The following ZBED6 variants were observed in gnomAD, a reference collection of about 807,000 sequenced individuals.
The protein encoded by ZBED6 is zinc finger BED-type containing 6, also known as zinc finger BED domain-containing protein 6.
A neutral mutation model predicts 58.4 loss-of-function variants in ZBED6; 40 were observed. That is an observed-to-expected ratio of 0.68 (90% CI 0.53 to 0.89). ZBED6 has a LOEUF of 0.89. Ranked by LOEUF, ZBED6 falls within the 40% of genes least tolerant of loss-of-function variation. The pLI, the probability that ZBED6 is intolerant of heterozygous loss-of-function variation, is 0.00. For synonymous variants in ZBED6, 439 were observed against 350.6 expected (o/e 1.25, Z -2.82); for missense variants, 1,057 against 1,003.9 (o/e 1.05, Z -0.71).
intron 3 of ZBED6, 141 bp from the exon 4 acceptor site, chr1:203,828,158 C>G (rs1324448605): frequency 1.1e-6 from 1 of 938,206 alleles, no homozygotes; most frequent in Admixed American, 2.4e-5. Flanking sequence ...TTTCAGCAAT[C>G]TCTCTTCCTT....
chr1:203,821,011 T>C (rs1678470454), intron 3 of ZBED6, among the ~76,000 whole-genome samples: 3 of 152,200 alleles, frequency 2.0e-5, no homozygotes, highest in Admixed American at 6.5e-5. Context: ...TGCAAACTTG[T>C]GGTGATACGT....
chr1:203,802,298 C>T (rs1229579034), exon 1 of ZBED6: 1 of 152,464 alleles, frequency 6.6e-6, no homozygotes. Context: ...TTTAGTGTAA[C>T]AATAACTTCA....
intron 3 of ZBED6, among the ~76,000 whole-genome samples, chr1:203,827,111 A>T (rs1680776116): frequency 6.6e-6 from 1 of 152,186 alleles, no homozygotes; most frequent in Non-Finnish European, 1.5e-5. Flanking sequence ...GGCATTGAGT[A>T]TAGCAATGGT....
intron 1 of ZBED6, chr1:203,805,887 C>G: frequency 2.7e-6 from 2 of 742,140 alleles, no homozygotes; most frequent in South Asian, 1.3e-5. Context: ...CTTGTAAATT[C>G]TCAATCTGGT....
chr1:203,830,232 T>C, intron 7 of ZBED6, 29 bp downstream of exon 7: 1 of 1,534,676 alleles, frequency 6.5e-7, no homozygotes, highest in Non-Finnish European at 8.8e-7. Flanking sequence ...GCATGGATAG[T>C]TGTATGTTGC....
chr1:203,833,359 T>TATTATTA, intron 8 of ZBED6, among the ~76,000 whole-genome samples: 1 of 107,148 alleles, frequency 9.3e-6, no homozygotes, highest in South Asian at 3.1e-4. Context: ...AGTGAGACTC[T>TATTATTA]GTCTCAAAAA....
intron 1 of ZBED6, among the ~76,000 whole-genome samples, chr1:203,804,959 T>C (rs980403867): frequency 2.0e-5 from 3 of 151,788 alleles, no homozygotes; most frequent in African/African-American, 7.2e-5. Context: ...AGGCGTGAGC[T>C]ATTGTGCCCG....
chr1:203,828,373 T>A, exon 4 of ZBED6: 1 of 1,614,008 alleles, frequency 6.2e-7, no homozygotes, highest in Non-Finnish European at 8.5e-7. Context: ...GCGCTTTCCA[T>A]CACAATAGAG....
chr1:203,797,546 A>G, exon 1 of ZBED6: 2 of 1,525,132 alleles, frequency 1.3e-6, no homozygotes, highest in Non-Finnish European at 1.7e-6. Flanking sequence ...CTCTAAGTGT[A>G]CCAGTTTCTT....
At position 203,838,408 on chromosome 1, in the gene ZBED6, A is replaced by T. The variant is rs189511565; in HGVS notation, c.*3672+344A>T. Among the ~76,000 whole-genome samples the T allele has an allele frequency of 3.9e-5, 6 of 152,378 alleles. No homozygotes were observed. In the East Asian group the frequency reaches 1.2e-3, roughly 29 times the overall value. On this transcript the variant is annotated intron_variant, in intron 10 of 16. Coordinates refer to ENST00000550078, the Ensembl canonical transcript of ZBED6. ...CTGTTAGGGGAAGGTTCACAGAAGA[A>T]GTTATGTTAAAGTTTAGACCTAAGA...
chr1:203,799,013 T>C (rs1558087786), exon 1 of ZBED6: 3 of 1,536,046 alleles, frequency 2.0e-6, no homozygotes, highest in Non-Finnish European at 2.6e-6. Flanking sequence ...ACTATTTTAT[T>C]GTGACTGTAC....
intron 7 of ZBED6, 45 bp downstream of exon 7, chr1:203,830,248 A>G: frequency 6.9e-7 from 1 of 1,450,802 alleles, no homozygotes. Context: ...GTTGCTAGGG[A>G]AGAATACTAA....
intron 3 of ZBED6, among the ~76,000 whole-genome samples, chr1:203,819,166 ATATG>A (rs1197835727): frequency 1.3e-5 from 2 of 148,924 alleles, no homozygotes; most frequent in Non-Finnish European, 3.0e-5. Context: ...ACACGTGTAT[ATATG>A]TGTGTGTATA....
At chr1:203,829,575 A>G (rs1681600748) in exon 5 of ZBED6, 1 of 1,614,052 alleles carries the variant, frequency 6.2e-7, no homozygotes, top group Non-Finnish European at 8.5e-7. Context: ...TTATGAAAGT[A>G]GAAAGTTCCG....
At chr1:203,849,843 G>T in exon 14 of ZBED6, 1 of 1,614,066 alleles carries the variant, frequency 6.2e-7, no homozygotes, top group Non-Finnish European at 8.5e-7. Context: ...GGGAGATGTA[G>T]CCTCTTGCAA....
intron 1 of ZBED6, among the ~76,000 whole-genome samples, chr1:203,806,551 C>T (rs1472557824): frequency 1.3e-5 from 2 of 152,166 alleles, no homozygotes; most frequent in African/African-American, 4.8e-5. Flanking sequence ...GATCAGCCCA[C>T]CTAGGCCTCC....
intron 8 of ZBED6, among the ~76,000 whole-genome samples, chr1:203,832,175 C>T (rs1191222874): frequency 5.3e-5 from 8 of 152,144 alleles, no homozygotes. Flanking sequence ...TTTCGTGTCT[C>T]GGCCTCCCAA....
At position 203,842,406 on chromosome 1, in the gene ZBED6, G is replaced by A. The variant is rs550268237; in HGVS notation, c.*3741+2032G>A. ...GCGGTCAGGAGCTGGAGACCAGCCC[G>A]GCCAACACGGCGAAACCCCGTCTCC... On this transcript the variant is annotated intron_variant, in intron 11 of 16. Transcript: ENST00000550078. 1.9e-4 allele frequency among the ~76,000 whole-genome samples: 29 copies of A among 152,244 alleles called. No homozygotes were observed. In the South Asian group the frequency reaches 5.8e-3, roughly 30 times the overall value.
At chr1:203,847,090 C>G in intron 11 of ZBED6, 94 bp from the exon 12 acceptor site, 1 of 1,328,502 alleles carries the variant, frequency 7.5e-7, no homozygotes, top group South Asian at 1.4e-5. Flanking sequence ...TGATAGCTCT[C>G]TGTTGGACTG....
Sources: allele counts gnomAD v4.1 joint callset (sites outside exome capture counted in the v4.1 genomes callset), GRCh38; gene constraint gnomAD v4.1.1; transcripts MANE v1.5; gene names NCBI Gene and HGNC (gene_info 2026-07-23, HGNC 2026-07-21).